ARHGAP24: variants seen among roughly 807,000 people sequenced by gnomAD.
The protein encoded by ARHGAP24 is rho GTPase-activating protein 24.
In ARHGAP24, 50 loss-of-function variants were observed where a neutral mutation model predicts 76.4. The observed-to-expected ratio is 0.65, with a 90% CI of 0.52 to 0.83. ARHGAP24 has a LOEUF of 0.83. ARHGAP24 is among the 40% of genes least tolerant of loss of function. The pLI is 0.00. For missense variants in ARHGAP24, 930 were observed against 914.2 expected (o/e 1.02, Z -0.22); for synonymous variants, 345 against 323.3 (o/e 1.07, Z -0.72).
At chr4:85,971,891 C>T in intron 5 of ARHGAP24, 145 bp from the exon 6 acceptor site, 4 of 1,121,144 alleles carry the variant, frequency 3.6e-6, no homozygotes, top group Non-Finnish European at 5.2e-6. Flanking sequence ...ATAGGCATCA[C>T]ATAAATGAGT....
At chr4:85,564,465 A>G (rs1035821535) in intron 1 of ARHGAP24, among the ~76,000 whole-genome samples, 12 of 151,382 alleles carry the variant, frequency 7.9e-5, no homozygotes, top group East Asian at 1.9e-4. Context: ...TGGGTGCAGC[A>G]CACCAACATG....
At chr4:85,509,227 G>A (rs1724182247) in intron 1 of ARHGAP24, among the ~76,000 whole-genome samples, 2 of 149,120 alleles carry the variant, frequency 1.3e-5, no homozygotes, top group Non-Finnish European at 3.0e-5. Flanking sequence ...GATAGCATTA[G>A]GAGATATACC....
chr4:85,920,072 G>A (rs867292737), intron 3 of ARHGAP24, among the ~76,000 whole-genome samples: 9 of 152,128 alleles, frequency 5.9e-5, no homozygotes, highest in South Asian at 4.1e-4. Flanking sequence ...TATCAAGAAA[G>A]ATAACACTTT....
At chr4:85,503,632 A>C (rs1379112806) in intron 1 of ARHGAP24, among the ~76,000 whole-genome samples, 1 of 151,994 alleles carries the variant, frequency 6.6e-6, no homozygotes, top group Non-Finnish European at 1.5e-5. Flanking sequence ...TGTTGCTAGC[A>C]GTCTATCAAT....
At chr4:85,867,712 A>G (rs537615408) in intron 3 of ARHGAP24, among the ~76,000 whole-genome samples, 2 of 151,662 alleles carry the variant, frequency 1.3e-5, no homozygotes, top group East Asian at 1.9e-4. Context: ...TCTCAGTGCT[A>G]TTAACAGACA....
At chr4:85,673,089 G>T (rs564115969) in intron 2 of ARHGAP24, among the ~76,000 whole-genome samples, 21 of 152,136 alleles carry the variant, frequency 1.4e-4, no homozygotes, top group Non-Finnish European at 2.9e-4. Flanking sequence ...CTGGAGAGAA[G>T]GCTTTCCCTT....
At position 86,001,850 on chromosome 4, in the gene ARHGAP24, G is replaced by C. The variant is rs1432350901; in HGVS notation, c.*1128G>C. 6.2e-6 allele frequency: 1 copy of C among 162,474 alleles called. No homozygotes were observed. The highest frequency in any genetic ancestry group is 2.4e-5 in the African/African-American group (1 of 41,914). The allele number at this position is 162,474 out of a possible 1,614,324, so 10.1% of individuals were successfully genotyped here. On this transcript the variant is annotated 3_prime_UTR_variant, in exon 10 of 10. Coordinates refer to ENST00000395184, the MANE Select transcript of ARHGAP24 (RefSeq NM_001025616.3). ...TTTGCAGCAAGAAGATAGTGGGAGG[G>C]GGCCAGGCTGCAGGAGAAGGAGAAA...
At chr4:85,988,572 C>A in intron 8 of ARHGAP24, among the ~76,000 whole-genome samples, 1 of 148,962 alleles carries the variant, frequency 6.7e-6, no homozygotes, top group South Asian at 2.1e-4. Flanking sequence ...GGTAATAAGC[C>A]AACAATAAAG....
chr4:85,795,074 TCCCTCCAG>T, intron 3 of ARHGAP24, among the ~76,000 whole-genome samples: 1 of 152,166 alleles, frequency 6.6e-6, no homozygotes, highest in East Asian at 1.9e-4. Flanking sequence ...GCCAAGGAAG[TCCCTCCAG>T]GAAAACAGAG....
chr4:85,884,377 T>C (rs1578342934), intron 3 of ARHGAP24, among the ~76,000 whole-genome samples: 1 of 152,198 alleles, frequency 6.6e-6, no homozygotes, highest in East Asian at 1.9e-4. Flanking sequence ...TCAAAGCCTG[T>C]CTTTTAATCT....
intron 5 of ARHGAP24, among the ~76,000 whole-genome samples, chr4:85,962,508 G>A (rs1367471259): frequency 2.0e-5 from 3 of 151,908 alleles, no homozygotes. Context: ...TATAGTATAG[G>A]TGCTATTTGT....
chr4:85,848,445 G>T (rs1204216979), intron 3 of ARHGAP24, among the ~76,000 whole-genome samples: 1 of 152,118 alleles, frequency 6.6e-6, no homozygotes, highest in Non-Finnish European at 1.5e-5. Context: ...TTGGTTTTCT[G>T]TCCTTGCAAT....
chr4:85,627,187 TCC>T (rs1205090460), intron 2 of ARHGAP24, among the ~76,000 whole-genome samples: 1 of 152,204 alleles, frequency 6.6e-6, no homozygotes, highest in African/African-American at 2.4e-5. Context: ...CTCTGTTTTT[TCC>T]CCATCTTTGT....
intron 2 of ARHGAP24, among the ~76,000 whole-genome samples, chr4:85,579,883 T>C (rs1365084894): frequency 6.6e-6 from 1 of 152,200 alleles, no homozygotes; most frequent in Non-Finnish European, 1.5e-5. Context: ...GTTTACACTT[T>C]TTGGTTATTA....
intron 4 of ARHGAP24, among the ~76,000 whole-genome samples, chr4:85,931,485 T>G (rs1736329747): frequency 6.6e-6 from 1 of 152,150 alleles, no homozygotes; most frequent in Non-Finnish European, 1.5e-5. Context: ...ACCTCCCCTG[T>G]TGAGAAAAAT....
intron 2 of ARHGAP24, among the ~76,000 whole-genome samples, chr4:85,644,361 A>C (rs962629054): frequency 2.0e-5 from 3 of 152,162 alleles, no homozygotes; most frequent in African/African-American, 7.2e-5. Flanking sequence ...TGTCTTTATT[A>C]CTAATTAGTT....
At chr4:85,693,041 A>G (rs1188189992) in intron 2 of ARHGAP24, among the ~76,000 whole-genome samples, 1 of 152,174 alleles carries the variant, frequency 6.6e-6, no homozygotes, top group Non-Finnish European at 1.5e-5. Context: ...ACTCTTGCCC[A>G]TTGTTTCACA....
intron 1 of ARHGAP24, among the ~76,000 whole-genome samples, chr4:85,506,044 A>T: frequency 6.6e-6 from 1 of 152,234 alleles, no homozygotes; most frequent in East Asian, 1.9e-4. Context: ...CCTGGGTATC[A>T]TCAGTGGAGG....
intron 3 of ARHGAP24, among the ~76,000 whole-genome samples, chr4:85,797,263 C>G (rs920076420): frequency 6.6e-6 from 1 of 152,000 alleles, no homozygotes; most frequent in Non-Finnish European, 1.5e-5. Context: ...AGCTCCGCCT[C>G]CCGGGTTCAC....
Sources: allele counts gnomAD v4.1 joint callset (sites outside exome capture counted in the v4.1 genomes callset), GRCh38; gene constraint gnomAD v4.1.1; transcripts MANE v1.5; gene names NCBI Gene and HGNC (gene_info 2026-07-23, HGNC 2026-07-21).